Variants in KDM4C observed in about 807,000 individuals in gnomAD.
The protein encoded by KDM4C is lysine demethylase 4C.
A neutral mutation model predicts 129.3 loss-of-function variants in KDM4C; 81 were observed. The ratio of observed to expected loss-of-function variants is 0.63; its 90% confidence interval spans 0.52 to 0.75. The LOEUF (loss-of-function observed/expected upper bound fraction) is 0.75. Ranked by LOEUF, KDM4C falls within the 30% of genes least tolerant of loss-of-function variation. The pLI is 0.00. For synonymous variants in KDM4C, 573 were observed against 456.1 expected, an observed-to-expected ratio of 1.26 and a Z score of -3.26; for missense variants, 1,457 against 1,304.0, an observed-to-expected ratio of 1.12 and a Z score of -1.81.
chr9:6,851,957 A>G (rs1339986880), intron 5 of KDM4C, among the ~76,000 whole-genome samples: 1 of 152,220 alleles, frequency 6.6e-6, no homozygotes, highest in East Asian at 1.9e-4. Flanking sequence ...AGCCTCCATC[A>G]GACGCATTAA....
intron 6 of KDM4C, among the ~76,000 whole-genome samples, chr9:6,883,847 T>G (rs1413717057): frequency 1.3e-5 from 2 of 152,042 alleles, no homozygotes; most frequent in East Asian, 3.9e-4. Flanking sequence ...TGGTGACTTG[T>G]GCGTAGATTA....
chr9:6,785,596 C>G (rs913022253), intron 1 of KDM4C, among the ~76,000 whole-genome samples: 3 of 152,216 alleles, frequency 2.0e-5, no homozygotes, highest in African/African-American at 7.2e-5. Flanking sequence ...CTTGGCCTCC[C>G]AAAGTGCTGG....
intron 8 of KDM4C, among the ~76,000 whole-genome samples, chr9:6,908,321 T>A (rs1818685374): frequency 6.6e-6 from 1 of 152,180 alleles, no homozygotes; most frequent in South Asian, 2.1e-4. Context: ...GTTAATGTGT[T>A]TAATCTCTAC....
chr9:6,941,035 C>CTTTT (rs34567518), intron 8 of KDM4C, among the ~76,000 whole-genome samples: 4 of 145,200 alleles, frequency 2.8e-5, no homozygotes, highest in African/African-American at 7.6e-5. Context: ...GCATCTCTTC[C>CTTTT]TTTTTTTTTT....
At chr9:6,839,008 A>G (rs1174370593) in intron 4 of KDM4C, among the ~76,000 whole-genome samples, 1 of 152,138 alleles carries the variant, frequency 6.6e-6, no homozygotes. Flanking sequence ...ACCAAATTTT[A>G]TGTTATTTTT....
intron 2 of KDM4C, among the ~76,000 whole-genome samples, chr9:6,798,653 A>G (rs574265838): frequency 6.6e-6 from 1 of 152,224 alleles, no homozygotes; most frequent in Non-Finnish European, 1.5e-5. Context: ...CCACACAGAC[A>G]CAGCAACCAT....
intron 5 of KDM4C, among the ~76,000 whole-genome samples, chr9:6,867,159 G>A (rs574835956): frequency 6.6e-6 from 1 of 151,828 alleles, no homozygotes; most frequent in Non-Finnish European, 1.5e-5. Flanking sequence ...GGGATTACAG[G>A]CACACACCTA....
chr9:7,152,929 T>G (rs1472197593), intron 19 of KDM4C, among the ~76,000 whole-genome samples: 1 of 152,124 alleles, frequency 6.6e-6, no homozygotes, highest in South Asian at 2.1e-4. Context: ...AGAGAAAAAT[T>G]CTTTAAATTA....
chr9:6,743,569 G>A (rs892733377), intron 1 of KDM4C, among the ~76,000 whole-genome samples: 2 of 151,166 alleles, frequency 1.3e-5, no homozygotes, highest in Non-Finnish European at 2.9e-5. Flanking sequence ...GTGCAGTGGT[G>A]GGATCTTGGC....
At chr9:6,928,840 G>A (rs1274849473) in intron 8 of KDM4C, among the ~76,000 whole-genome samples, 1 of 152,126 alleles carries the variant, frequency 6.6e-6, no homozygotes, top group Non-Finnish European at 1.5e-5. Flanking sequence ...GCAGAACTCT[G>A]AGGTTTCCCT....
rs541083065 is a variant in KDM4C, at chr9:7,020,952, C to G, written c.2259+5023C>G. ...GTACCCATTAACCATTCCCATTCCC[C>G]TCACCCCCACCACCCTTCCTAGCCT... On this transcript the variant is annotated intron_variant, in intron 15 of 21. Transcript: ENST00000381309. Among the ~76,000 whole-genome samples the G allele has an allele frequency of 1.6e-4, 24 of 151,218 alleles. No homozygotes were observed. The East Asian group carries it at 4.3e-3, about 27-fold the overall frequency.
chr9:6,796,683 A>T (rs766469359), intron 2 of KDM4C, among the ~76,000 whole-genome samples: 1 of 152,226 alleles, frequency 6.6e-6, no homozygotes, highest in Non-Finnish European at 1.5e-5. Flanking sequence ...CCTCATTTTT[A>T]AAATTGAGAC....
At chr9:6,961,425 A>G (rs764280557) in intron 8 of KDM4C, among the ~76,000 whole-genome samples, 3 of 152,218 alleles carry the variant, frequency 2.0e-5, no homozygotes, top group Non-Finnish European at 2.9e-5. Flanking sequence ...ACTGAAAGGT[A>G]TCCACCTACT....
At chr9:6,949,040 C>T (rs7863137) in intron 8 of KDM4C, among the ~76,000 whole-genome samples, 37,424 of 151,398 alleles carry the variant, frequency 0.25, 5,014 homozygotes, top group South Asian at 0.41. Context: ...AGGGGCTCCT[C>T]ACTTCCCAGA....
chr9:7,118,929 C>T (rs76849496), intron 18 of KDM4C, among the ~76,000 whole-genome samples: 27 of 152,224 alleles, frequency 1.8e-4, no homozygotes, highest in Non-Finnish European at 2.8e-4. Context: ...ACTACCTATA[C>T]GGCCAAAGCA....
At chr9:7,056,367 A>G (rs958524385) in intron 17 of KDM4C, among the ~76,000 whole-genome samples, 5 of 151,860 alleles carry the variant, frequency 3.3e-5, no homozygotes, top group Non-Finnish European at 4.4e-5. Flanking sequence ...AAAAAAGTAC[A>G]TTAGTAGCTG....
At chr9:6,724,981 C>G (rs1817074324) in intron 1 of KDM4C, among the ~76,000 whole-genome samples, 1 of 152,154 alleles carries the variant, frequency 6.6e-6, no homozygotes, top group Non-Finnish European at 1.5e-5. Context: ...TCCAGAGGCT[C>G]TGGGGGAGGA....
intron 5 of KDM4C, among the ~76,000 whole-genome samples, chr9:6,873,029 C>T (rs1225897011): frequency 2.6e-5 from 4 of 152,118 alleles, no homozygotes; most frequent in African/African-American, 9.7e-5. Context: ...TGGGTTCAAG[C>T]AATTGTCCTG....
rs539768979 is a variant in KDM4C, at chr9:7,083,683, C to G, written c.2425-20002C>G. The stretch of plus-strand genomic sequence containing the variant: ...CATGGGATATGCCATTTGTCATTGA[C>G]TGAAACGTCCCATGTAGCACATGAC... On this transcript the variant is annotated intron_variant, in intron 17 of 21. Transcript: ENST00000381309. 1.7e-4 allele frequency among the ~76,000 whole-genome samples: 25 copies of G among 149,880 alleles called. No homozygotes were observed. In the South Asian group the frequency reaches 5.0e-3, roughly 30 times the overall value.
Sources: gnomAD v4.1 joint callset for allele counts (sites outside exome capture counted in the v4.1 genomes callset) on GRCh38, gnomAD v4.1.1 for gene constraint, MANE v1.5 for transcripts, NCBI Gene and HGNC (gene_info 2026-07-23, HGNC 2026-07-21) for gene names.